Variants in CYREN observed in about 807,000 individuals in gnomAD.
CYREN encodes cell cycle regulator of NHEJ, also known as cell cycle regulator of non-homologous end joining.
CYREN carries 7 observed loss-of-function variants against 9.7 expected under a neutral mutation model. That is an observed-to-expected ratio of 0.72 (90% CI 0.41 to 1.36). The LOEUF is 1.36. CYREN is among the 40% of genes most tolerant of loss of function. The pLI, the probability that CYREN is intolerant of heterozygous loss-of-function variation, is 0.01. For synonymous variants in CYREN, 76 were observed against 77.9 expected, an observed-to-expected ratio of 0.98 and a Z score of 0.13; for missense variants, 215 against 198.1, an observed-to-expected ratio of 1.09 and a Z score of -0.51.
downstream of CYREN, chr7:135,164,441 G>C (rs777098999): frequency 3.6e-5 from 57 of 1,596,682 alleles, no homozygotes; most frequent in Non-Finnish European, 4.2e-5. Flanking sequence ...GGGCAGTAGA[G>C]ATGGCCGGCC....
At chr7:135,119,702 C>T (rs1826860991) in intron 2 of CYREN, among the ~76,000 whole-genome samples, 2 of 151,892 alleles carry the variant, frequency 1.3e-5, no homozygotes, top group African/African-American at 4.8e-5. Flanking sequence ...ACGGTGAAAC[C>T]CCGTCTCTAC....
At chr7:135,093,246 T>G (rs1386649860) in exon 3 of CYREN, 2 of 151,660 alleles carry the variant, frequency 1.3e-5, no homozygotes, top group Non-Finnish European at 2.9e-5. Context: ...CGAAGCCATT[T>G]CTATTTGTAG....
At chr7:135,150,476 G>C (rs577973409) in intron 2 of CYREN, among the ~76,000 whole-genome samples, 13 of 152,308 alleles carry the variant, frequency 8.5e-5, no homozygotes, top group Admixed American at 2.6e-4. Context: ...ATTCCCCAGG[G>C]CCTCTGATTC....
Position 135,167,988 on chromosome 7 carries a change from T to A in CYREN, c.138-181A>T. 6.6e-6 allele frequency: 7 copies of A among 1,067,770 alleles called. No homozygotes were observed. The South Asian group carries it at 1.1e-4, about 17-fold the overall frequency. The allele number at this position is 1,067,770 out of a possible 1,614,324, so 66.1% of individuals were successfully genotyped here. ...TTCCTCAGCCTTGCAGCCCAGTGACTGGCACAGGGCTTCATGGAGGCAACA... is the reference window on the plus strand; with the variant it reads ...TTCCTCAGCCTTGCAGCCCAGTGACAGGCACAGGGCTTCATGGAGGCAACA... On this transcript the variant is annotated intron_variant, in intron 2 of 3. Transcript: ENST00000393114.
intron 2 of CYREN, among the ~76,000 whole-genome samples, chr7:135,159,568 G>C (rs1829877379): frequency 6.6e-6 from 1 of 152,222 alleles, no homozygotes. Context: ...CAGTGGTCAA[G>C]TTACATGCTG....
At chr7:135,125,846 C>T (rs543647634) in intron 2 of CYREN, among the ~76,000 whole-genome samples, 1 of 152,112 alleles carries the variant, frequency 6.6e-6, no homozygotes, top group Non-Finnish European at 1.5e-5. Context: ...ATTCAACATC[C>T]CTTCATGTTA....
intron 2 of CYREN, among the ~76,000 whole-genome samples, chr7:135,103,527 A>T (rs1824176367): frequency 6.6e-6 from 1 of 152,298 alleles, no homozygotes; most frequent in Non-Finnish European, 1.5e-5. Flanking sequence ...CAGGAGTTTT[A>T]TCTGATCCGT....
intron 2 of CYREN, among the ~76,000 whole-genome samples, chr7:135,132,850 G>A (rs1314217514): frequency 6.6e-6 from 1 of 152,060 alleles, no homozygotes; most frequent in Non-Finnish European, 1.5e-5. Flanking sequence ...AAATTACCCA[G>A]CATTGGGTAT....
chr7:135,095,488 T>G (rs1822530222), intron 2 of CYREN, among the ~76,000 whole-genome samples: 1 of 152,190 alleles, frequency 6.6e-6, no homozygotes, highest in Admixed American at 6.5e-5. Flanking sequence ...AACAGTCCAA[T>G]TCCTTGTCAG....
At chr7:135,135,739 C>T (rs2117381099) in intron 2 of CYREN, 1 of 152,428 alleles carries the variant, frequency 6.6e-6, no homozygotes, top group South Asian at 2.1e-4. Flanking sequence ...CATAATTGTA[C>T]AGATAAAACA....
intron 2 of CYREN, among the ~76,000 whole-genome samples, chr7:135,123,266 G>A (rs10263789): frequency 0.49 from 73,796 of 151,990 alleles, 18,277 homozygotes; most frequent in South Asian, 0.66. Flanking sequence ...ATCAATAGCC[G>A]AATCGACCAC....
chr7:135,104,070 C>A (rs1001835258), intron 2 of CYREN, among the ~76,000 whole-genome samples: 17 of 152,078 alleles, frequency 1.1e-4, no homozygotes, highest in Non-Finnish European at 2.1e-4. Flanking sequence ...CTCCTCCCAC[C>A]CTTCACCCTC....
chr7:135,138,388 T>C (rs1829392644), intron 2 of CYREN, among the ~76,000 whole-genome samples: 1 of 151,930 alleles, frequency 6.6e-6, no homozygotes, highest in African/African-American at 2.4e-5. Context: ...ATAGCAGCAA[T>C]GTTGTAAGGA....
chr7:135,103,868 T>C (rs1174065035), intron 2 of CYREN, among the ~76,000 whole-genome samples: 1 of 152,192 alleles, frequency 6.6e-6, no homozygotes, highest in East Asian at 1.9e-4. Flanking sequence ...CTTCAACTGC[T>C]TCAACTGCTT....
intron 2 of CYREN, among the ~76,000 whole-genome samples, chr7:135,132,517 T>C (rs1350445758): frequency 6.6e-6 from 1 of 152,208 alleles, no homozygotes; most frequent in Non-Finnish European, 1.5e-5. Flanking sequence ...GGGATCTTAC[T>C]CAATAAAGTC....
chr7:135,125,123 A>T (rs892494665), intron 2 of CYREN, among the ~76,000 whole-genome samples: 4 of 151,996 alleles, frequency 2.6e-5, no homozygotes, highest in Non-Finnish European at 4.4e-5. Flanking sequence ...CTGTTTTTTT[A>T]AAAAAATTAA....
At chr7:135,094,640 A>T in intron 2 of CYREN, 1 of 420,098 alleles carries the variant, frequency 2.4e-6, no homozygotes, top group Non-Finnish European at 4.7e-6. Flanking sequence ...ATTCTCCGTA[A>T]CAAGGGCCTA....
chr7:135,130,221 A>G (rs1828537153), intron 2 of CYREN, among the ~76,000 whole-genome samples: 1 of 152,214 alleles, frequency 6.6e-6, no homozygotes, highest in Non-Finnish European at 1.5e-5. Flanking sequence ...CTCTGGAGGA[A>G]GCCCTTTACT....
At chr7:135,135,215 A>G in intron 2 of CYREN, 1 of 1,543,838 alleles carries the variant, frequency 6.5e-7, no homozygotes, top group Non-Finnish European at 8.7e-7. Flanking sequence ...GCCAATAAGA[A>G]TGATGGACAA....
Sources: allele counts gnomAD v4.1 joint callset (sites outside exome capture counted in the v4.1 genomes callset), GRCh38; gene constraint gnomAD v4.1.1; transcripts MANE v1.5; gene names NCBI Gene and HGNC (gene_info 2026-07-23, HGNC 2026-07-21).